Variants in ZNF608 observed in about 807,000 individuals in gnomAD.
The protein encoded by ZNF608 is renal carcinoma antigen NY-REN-36.
A neutral mutation model predicts 109.0 loss-of-function variants in ZNF608; 12 were observed. The observed-to-expected ratio is 0.11, with a 90% confidence interval of 0.07 to 0.18. ZNF608 has a LOEUF of 0.18. Among genes scored for constraint, ZNF608 ranks in the 10% least tolerant of loss-of-function variants. The pLI is 1.00. For synonymous variants in ZNF608, 732 were observed against 717.4 expected (o/e 1.02, Z -0.33); for missense variants, 1,707 against 1,879.3 (o/e 0.91, Z 1.70).
chr5:124,713,298 C>G lies in ZNF608; in HGVS notation c.907-12029G>C, dbSNP rs114523524. The stretch of plus-strand genomic sequence containing the variant: ...GGAATATCCAGGGCAAGTAACCCTG[C>G]TTAGGGATTTCTCAGTCCACAGTCT... On this transcript the variant is annotated intron_variant, in intron 2 of 9. Coordinates refer to ENST00000513986, the MANE Select transcript of ZNF608 (RefSeq NM_020747.3). 2.8e-3 allele frequency among the ~76,000 whole-genome samples: 424 copies of G among 152,342 alleles called. 3 individuals carry two copies. The highest frequency in any genetic ancestry group is 1.0e-2 in the African/African-American group (415 of 41,584).
At chr5:124,731,475 T>C (rs1264621895) in intron 2 of ZNF608, among the ~76,000 whole-genome samples, 1 of 151,424 alleles carries the variant, frequency 6.6e-6, no homozygotes, top group African/African-American at 2.4e-5. Flanking sequence ...CCTTCCAAAG[T>C]GCTGGGATTA....
At chr5:124,728,812 C>T (rs1748748346) in intron 2 of ZNF608, among the ~76,000 whole-genome samples, 1 of 152,152 alleles carries the variant, frequency 6.6e-6, no homozygotes, top group Non-Finnish European at 1.5e-5. Context: ...GTACCATAAA[C>T]CCCACCCACT....
intron 3 of ZNF608, among the ~76,000 whole-genome samples, chr5:124,656,171 T>G (rs951972453): frequency 6.6e-6 from 1 of 152,068 alleles, no homozygotes; most frequent in Non-Finnish European, 1.5e-5. Context: ...GAACAAATAG[T>G]GTATGGCAAT....
At chr5:124,728,788 C>T (rs181532039) in intron 2 of ZNF608, among the ~76,000 whole-genome samples, 9 of 152,274 alleles carry the variant, frequency 5.9e-5, no homozygotes, top group Admixed American at 3.3e-4. Context: ...ATGTTGCTTG[C>T]GTTGTAGACT....
At chr5:124,649,940 TGA>T (rs1224765736) in intron 3 of ZNF608, among the ~76,000 whole-genome samples, 2 of 152,258 alleles carry the variant, frequency 1.3e-5, no homozygotes, top group Non-Finnish European at 2.9e-5. Context: ...AGACTGTGTG[TGA>T]GAGTGTAATC....
chr5:124,688,105 T>C lies in ZNF608; in HGVS notation c.1162+12909A>G, dbSNP rs969871261. On this transcript the variant is annotated intron_variant, in intron 3 of 9. Coordinates refer to ENST00000513986, the MANE Select transcript of ZNF608 (RefSeq NM_020747.3). ...GAGACAGCAACAAAAGTAAATCAGA[T>C]TCCTTCCAGTTCAGAATGGATGTTT... Among the ~76,000 whole-genome samples, 7 of 152,160 alleles carry C rather than the reference T, an allele frequency of 4.6e-5. No individual in the cohort carries two copies. The East Asian group carries it at 1.3e-3, about 29-fold the overall frequency.
intron 2 of ZNF608, among the ~76,000 whole-genome samples, chr5:124,711,845 G>A (rs903760602): frequency 6.6e-6 from 1 of 152,172 alleles, no homozygotes; most frequent in Non-Finnish European, 1.5e-5. Context: ...AGAATCTGGG[G>A]GGTTATTATG....
intron 2 of ZNF608, among the ~76,000 whole-genome samples, chr5:124,714,552 T>C (rs751381031): frequency 6.6e-6 from 1 of 152,206 alleles, no homozygotes; most frequent in African/African-American, 2.4e-5. Flanking sequence ...TAGTATAATC[T>C]TGAAAATTTA....
At chr5:124,739,120 G>A (rs1200670253) in intron 2 of ZNF608, among the ~76,000 whole-genome samples, 1 of 152,076 alleles carries the variant, frequency 6.6e-6, no homozygotes, top group South Asian at 2.1e-4. Flanking sequence ...GATCCTCCCC[G>A]CAGCTTCACC....
Position 124,671,884 on chromosome 5 carries a change from T to C in ZNF608, c.1163-22187A>G, listed in dbSNP as rs144742104. Among the ~76,000 whole-genome samples, 832 of 152,250 alleles carry C rather than the reference T, an allele frequency of 5.5e-3. 3 individuals are homozygous for C. The highest frequency in any genetic ancestry group is 0.019 in the African/African-American group (775 of 41,542). On this transcript the variant is annotated intron_variant, in intron 3 of 9. Coordinates refer to ENST00000513986, the MANE Select transcript of ZNF608 (RefSeq NM_020747.3). ...AACTCCTGGGCTCATGTGATCCACC[T>C]GCGTCAGCTTCCCAAACTGCTGGGA...
chr5:124,701,966 A>G (rs1017613643), intron 2 of ZNF608, among the ~76,000 whole-genome samples: 1 of 152,222 alleles, frequency 6.6e-6, no homozygotes, highest in Non-Finnish European at 1.5e-5. Flanking sequence ...TTAAACTGGT[A>G]AAGATCCCTA....
intron 3 of ZNF608, among the ~76,000 whole-genome samples, chr5:124,672,451 G>A (rs955706873): frequency 6.6e-6 from 1 of 152,184 alleles, no homozygotes; most frequent in South Asian, 2.1e-4. Context: ...GTAAGGCTAA[G>A]TTGACTGGGA....
chr5:124,719,083 C>A (rs1208888712), intron 2 of ZNF608, among the ~76,000 whole-genome samples: 1 of 152,138 alleles, frequency 6.6e-6, no homozygotes, highest in Admixed American at 6.5e-5. Flanking sequence ...TGGTTCTTTT[C>A]AATGTAGAAC....
chr5:124,747,434 G>A (rs531112106), upstream of ZNF608, among the ~76,000 whole-genome samples: 1 of 151,954 alleles, frequency 6.6e-6, no homozygotes, highest in Non-Finnish European at 1.5e-5. Flanking sequence ...GGATGGGCGA[G>A]TTAGTAACAA....
At chr5:124,695,142 C>A (rs2149842239) in intron 3 of ZNF608, among the ~76,000 whole-genome samples, 1 of 152,162 alleles carries the variant, frequency 6.6e-6, no homozygotes, top group East Asian at 1.9e-4. Context: ...TCAAGTTCCC[C>A]ATTACTGCAC....
chr5:124,711,240 A>G (rs891037177), intron 2 of ZNF608, among the ~76,000 whole-genome samples: 4 of 152,270 alleles, frequency 2.6e-5, no homozygotes, highest in Admixed American at 2.6e-4. Flanking sequence ...CACTCTCCAG[A>G]GAGAACCTCT....
chr5:124,676,633 C>G (rs991950618), intron 3 of ZNF608, among the ~76,000 whole-genome samples: 1 of 152,094 alleles, frequency 6.6e-6, no homozygotes, highest in South Asian at 2.1e-4. Flanking sequence ...TAACAACTGG[C>G]TTAGATACCA....
At chr5:124,657,108 T>C (rs1751045432) in intron 3 of ZNF608, among the ~76,000 whole-genome samples, 2 of 152,226 alleles carry the variant, frequency 1.3e-5, no homozygotes, top group South Asian at 4.1e-4. Context: ...TGCTTTTTTC[T>C]TGCTTCCCTA....
At chr5:124,725,458 A>G (rs116781684) in intron 2 of ZNF608, among the ~76,000 whole-genome samples, 1,792 of 152,174 alleles carry the variant, frequency 0.012, 34 homozygotes, top group African/African-American at 0.041. Context: ...AAAGTAAGGA[A>G]TGAATAAAGG....
Sources: allele counts gnomAD v4.1 joint callset (sites outside exome capture counted in the v4.1 genomes callset), GRCh38; gene constraint gnomAD v4.1.1; transcripts MANE v1.5; gene names NCBI Gene and HGNC (gene_info 2026-07-23, HGNC 2026-07-21).